Variants in EPHB2 observed in about 807,000 individuals in gnomAD.
EPHB2 encodes EPH receptor B2.
EPHB2 carries 18 observed loss-of-function variants against 96.4 expected under a neutral mutation model. That is an observed-to-expected ratio of 0.19 (90% CI 0.13 to 0.28). The LOEUF (loss-of-function observed/expected upper bound fraction) is 0.28. Ranked by LOEUF, EPHB2 falls within the 10% of genes least tolerant of loss-of-function variation. The pLI, the probability that EPHB2 is intolerant of heterozygous loss-of-function variation, is 1.00. For missense variants in EPHB2, 989 were observed against 1,355.4 expected (o/e 0.73, Z 4.25); for synonymous variants, 506 against 534.1 (o/e 0.95, Z 0.72).
At chr1:22,878,861 ACAC>A (rs1474401865) in intron 5 of EPHB2, among the ~76,000 whole-genome samples, 1 of 152,200 alleles carries the variant, frequency 6.6e-6, no homozygotes, top group Non-Finnish European at 1.5e-5. Flanking sequence ...GTGAGCGAGC[ACAC>A]CTGGCAGCAG....
intron 1 of EPHB2, among the ~76,000 whole-genome samples, chr1:22,721,111 G>A (rs1643454482): frequency 6.6e-6 from 1 of 152,192 alleles, no homozygotes; most frequent in Non-Finnish European, 1.5e-5. Context: ...TTGGCCAGAG[G>A]TCATCGCAGG....
chr1:22,895,721 G>GCCACTT, intron 8 of EPHB2, 141 bp downstream of exon 8: 1 of 758,838 alleles, frequency 1.3e-6, no homozygotes, highest in Non-Finnish European at 2.2e-6. Context: ...GGAAGTGGAA[G>GCCACTT]GCTTCAAGTG....
At chr1:22,741,262 C>A (rs543777246) in intron 1 of EPHB2, among the ~76,000 whole-genome samples, 1 of 152,228 alleles carries the variant, frequency 6.6e-6, no homozygotes, top group East Asian at 1.9e-4. Flanking sequence ...TATGGGGCTG[C>A]TGGGATCTGT....
At chr1:22,820,503 A>G (rs1383546582) in intron 3 of EPHB2, among the ~76,000 whole-genome samples, 1 of 151,848 alleles carries the variant, frequency 6.6e-6, no homozygotes, top group African/African-American at 2.4e-5. Context: ...TCTACACAAA[A>G]TACAAAAAAA....
intron 1 of EPHB2, among the ~76,000 whole-genome samples, chr1:22,741,505 T>A (rs1333322867): frequency 6.6e-6 from 1 of 152,024 alleles, no homozygotes; most frequent in Non-Finnish European, 1.5e-5. Flanking sequence ...TCCTAGGTGC[T>A]CACTGCCTGA....
At chr1:22,838,570 C>A (rs1263683892) in intron 3 of EPHB2, among the ~76,000 whole-genome samples, 8 of 152,142 alleles carry the variant, frequency 5.3e-5, no homozygotes, top group Admixed American at 5.2e-4. Context: ...ACCTTCCATG[C>A]ACCAGGCCCT....
At chr1:22,734,151 G>C (rs1310718215) in intron 1 of EPHB2, among the ~76,000 whole-genome samples, 1 of 152,180 alleles carries the variant, frequency 6.6e-6, no homozygotes, top group Non-Finnish European at 1.5e-5. Context: ...CACTGTGAGG[G>C]GGCTTTGGAG....
At chr1:22,773,268 GAA>G (rs1644403449) in intron 1 of EPHB2, among the ~76,000 whole-genome samples, 1 of 152,206 alleles carries the variant, frequency 6.6e-6, no homozygotes, top group Non-Finnish European at 1.5e-5. Context: ...TCTTCTCCTG[GAA>G]TTTCTAACTT....
rs549054083 is a variant in EPHB2, at chr1:22,743,988, A to G, written c.61+32945A>G. Reference sequence around the variant, plus strand: ...AAATTACAACGTAGGAGTTCTAACAAAGAGTTTATAATTGATGTGCCAATT... The same window carrying G: ...AAATTACAACGTAGGAGTTCTAACAGAGAGTTTATAATTGATGTGCCAATT... On this transcript the variant is annotated intron_variant, in intron 1 of 15. Coordinates refer to ENST00000374630, the MANE Select transcript of EPHB2 (RefSeq NM_017449.5). 3.3e-5 allele frequency among the ~76,000 whole-genome samples: 5 copies of G among 152,310 alleles called. No individual in the cohort carries two copies. In the East Asian group the frequency reaches 9.6e-4, roughly 29 times the overall value.
rs748282928 is a variant in EPHB2, at chr1:22,790,405, C to T, written c.811+5329C>T. 1.1e-4 allele frequency among the ~76,000 whole-genome samples: 17 copies of T among 152,178 alleles called. No individual in the cohort carries two copies. Among genetic ancestry groups the T allele is most frequent in the African/African-American group, 3.6e-4 (15 of 41,438 alleles). On this transcript the variant is annotated intron_variant, in intron 3 of 15. Coordinates refer to ENST00000374630, the MANE Select transcript of EPHB2 (RefSeq NM_017449.5). This position sits in a 1 kb window ranked among gnomAD's most constrained non-coding sequence, Gnocchi z 4.0. ...CTGTTCCCTCCCCAACCCCAGTCCCCGCTGGGGCTTCCTGCCAGCAGGTCT... is the reference window on the plus strand; with the variant it reads ...CTGTTCCCTCCCCAACCCCAGTCCCTGCTGGGGCTTCCTGCCAGCAGGTCT...
chr1:22,819,451 C>T (rs1311714473), intron 3 of EPHB2, among the ~76,000 whole-genome samples: 1 of 152,136 alleles, frequency 6.6e-6, no homozygotes, highest in African/African-American at 2.4e-5. Context: ...CCCCATTCAT[C>T]CTCCTGTCTT....
chr1:22,823,470 A>C (rs1645181208), intron 3 of EPHB2, among the ~76,000 whole-genome samples: 1 of 152,176 alleles, frequency 6.6e-6, no homozygotes, highest in South Asian at 2.1e-4. Flanking sequence ...TTGTTCACAA[A>C]ATGCTTCCTG....
chr1:22,893,898 C>T (rs1333626480), intron 7 of EPHB2, among the ~76,000 whole-genome samples: 10 of 152,236 alleles, frequency 6.6e-5, no homozygotes, highest in Admixed American at 6.5e-4. Flanking sequence ...GCCAGTCAAA[C>T]TCCAGGGTGA....
At chr1:22,854,133 G>A (rs1014775603) in intron 3 of EPHB2, among the ~76,000 whole-genome samples, 5 of 152,202 alleles carry the variant, frequency 3.3e-5, no homozygotes, top group African/African-American at 9.7e-5. Context: ...ATGGAGGAAG[G>A]GAAGGAGTAA....
Position 22,749,107 on chromosome 1 carries a change from G to A in EPHB2, c.62-32314G>A, listed in dbSNP as rs192908753. Among the ~76,000 whole-genome samples the A allele has an allele frequency of 1.3e-4, 19 of 150,518 alleles. No individual in the cohort carries two copies. The East Asian group carries it at 3.4e-3, about 27-fold the overall frequency. On this transcript the variant is annotated intron_variant, in intron 1 of 15. Coordinates refer to ENST00000374630, the MANE Select transcript of EPHB2 (RefSeq NM_017449.5). ...GGGATCTCGCCTCACTGCAACCTCC[G>A]CCTCCTGGGTTCAAGTGATCCTCAT...
chr1:22,731,605 C>T (rs1446098160), intron 1 of EPHB2, among the ~76,000 whole-genome samples: 2 of 152,088 alleles, frequency 1.3e-5, no homozygotes, highest in East Asian at 1.9e-4. Flanking sequence ...TTTGGGAGGC[C>T]GAGGCAGGCA....
chr1:22,827,632 G>A (rs762565854), intron 3 of EPHB2, among the ~76,000 whole-genome samples: 1 of 152,232 alleles, frequency 6.6e-6, no homozygotes, highest in Non-Finnish European at 1.5e-5. Flanking sequence ...ACTTAATTTA[G>A]GAGACTCATG....
intron 3 of EPHB2, among the ~76,000 whole-genome samples, chr1:22,828,459 G>A (rs184451889): frequency 1.3e-5 from 2 of 152,256 alleles, no homozygotes; most frequent in African/African-American, 4.8e-5. Flanking sequence ...GCATTGAGTT[G>A]ACCCAATCCT....
intron 1 of EPHB2, among the ~76,000 whole-genome samples, chr1:22,747,726 C>T (rs796595969): frequency 1.3e-5 from 2 of 152,336 alleles, no homozygotes; most frequent in Admixed American, 6.5e-5. Flanking sequence ...GACTCAGGTG[C>T]GACCTGTCTC....
Sources: allele counts gnomAD v4.1 joint callset (sites outside exome capture counted in the v4.1 genomes callset), GRCh38; gene constraint gnomAD v4.1.1; non-coding constraint Gnocchi (gnomAD v3.1); transcripts MANE v1.5; gene names NCBI Gene and HGNC (gene_info 2026-07-23, HGNC 2026-07-21).